The following KIAA1217 variants were observed in gnomAD, a reference collection of about 807,000 sequenced individuals.
KIAA1217 encodes sickle tail protein homolog.
A neutral mutation model predicts 163.9 loss-of-function variants in KIAA1217; 88 were observed. That is an observed-to-expected ratio of 0.54 (90% confidence interval 0.45 to 0.64). The LOEUF is 0.64. Among genes scored for constraint, KIAA1217 ranks in the 30% least tolerant of loss-of-function variants. The pLI, the probability that KIAA1217 is intolerant of heterozygous loss-of-function variation, is 0.00. For missense variants in KIAA1217, 2,372 were observed against 2,475.0 expected (o/e 0.96, Z 0.88); for synonymous variants, 903 against 923.1 (o/e 0.98, Z 0.39).
intron 5 of KIAA1217, among the ~76,000 whole-genome samples, chr10:24,465,471 A>G (rs1445824045): frequency 6.6e-6 from 1 of 152,206 alleles, no homozygotes; most frequent in Non-Finnish European, 1.5e-5. Flanking sequence ...AAGCCTTAAA[A>G]TGTTTTAAAA....
At chr10:24,256,688 T>TTG (rs146332353) in intron 2 of KIAA1217, among the ~76,000 whole-genome samples, 72 of 152,072 alleles carry the variant, frequency 4.7e-4, no homozygotes, top group Non-Finnish European at 8.1e-4. Flanking sequence ...AGGATTTGCT[T>TTG]TGTGTGTGTG....
rs867921845 is a variant in KIAA1217, at chr10:23,790,711, A to G, written c.-321+95477A>G. Among the ~76,000 whole-genome samples the G allele has an allele frequency of 2.4e-4, 33 of 140,376 alleles. 1 individual carries two copies. Among genetic ancestry groups the G allele is most frequent in the Admixed American group, 7.9e-4 (11 of 13,962 alleles). 92.1% of individuals were successfully genotyped at this position (140,376 alleles called of 152,430 possible). On this transcript the variant is annotated intron_variant, in intron 1 of 18. Coordinates refer to the KIAA1217 transcript ENST00000376462. Reference sequence around the variant, plus strand: ...TATGTATATATACACACACATATATATATGTATGTATGTATGTATGTATGT... The same window carrying G: ...TATGTATATATACACACACATATATGTATGTATGTATGTATGTATGTATGT...
At position 24,473,917 on chromosome 10, in the gene KIAA1217, A is replaced by G. The variant is rs779239151; in HGVS notation, c.1536A>G (p.Lys512=). The G allele has an allele frequency of 1.1e-5, 18 of 1,614,022 alleles. No individual in the cohort carries two copies. In the African/African-American group the frequency reaches 1.7e-4, roughly 16 times the overall value. The part of the protein sequence containing the change: ...DRASPSRQAF[K]KEPGTLVYIE... ...CCTCTCCGAGCCGCCAGGCCTTTAA[A>G]AAGGAGCCAGGCACCTTGGTGTATA... Residue 512 remains lysine (K), a synonymous_variant, in exon 6 of 21, where the codon AAA becomes AAG. Coordinates refer to ENST00000376454, the MANE Select transcript of KIAA1217 (RefSeq NM_019590.5).
At chr10:24,352,126 C>T (rs1028369208) in intron 2 of KIAA1217, among the ~76,000 whole-genome samples, 3 of 152,238 alleles carry the variant, frequency 2.0e-5, no homozygotes, top group South Asian at 2.1e-4. Flanking sequence ...CCTGCCTTTC[C>T]CCTCTGCCAC....
In KIAA1217 at chr10:24,400,958, A is replaced by AACAC. The variant is rs1409004077; in HGVS notation, c.553+19894_553+19895insCACA. On this transcript the variant is annotated intron_variant, in intron 3 of 20. Transcript: ENST00000376454. ...AAATAACACAAAATTCCAAGCAAGA[A>AACAC]ACATACACACACACACACACACACA... Among the ~76,000 whole-genome samples the AACAC allele has an allele frequency of 1.0e-4, 9 of 89,844 alleles. No individual in the cohort carries two copies. In the African/African-American group the frequency reaches 1.1e-3, roughly 11 times the overall value. 58.9% of individuals were successfully genotyped at this position (89,844 alleles called of 152,430 possible).
intron 2 of KIAA1217, among the ~76,000 whole-genome samples, chr10:24,370,654 C>T (rs2051502837): frequency 6.6e-6 from 1 of 152,124 alleles, no homozygotes; most frequent in African/African-American, 2.4e-5. Context: ...CACTGCATAG[C>T]TCACTGCAGC....
At chr10:24,181,512 G>C (rs1175630656) in intron 2 of KIAA1217, among the ~76,000 whole-genome samples, 1 of 152,174 alleles carries the variant, frequency 6.6e-6, no homozygotes, top group South Asian at 2.1e-4. Context: ...GGATTATGGG[G>C]GGCTTTGAGG....
At chr10:24,527,859 C>T in intron 13 of KIAA1217, 77 bp from the exon 14 acceptor site, 1 of 1,137,310 alleles carries the variant, frequency 8.8e-7, no homozygotes, top group Non-Finnish European at 1.3e-6. Flanking sequence ...CCACCCTCCA[C>T]CCTCTGAGAG....
At chr10:23,817,689 A>G (rs1837369868) in intron 1 of KIAA1217, among the ~76,000 whole-genome samples, 1 of 152,010 alleles carries the variant, frequency 6.6e-6, no homozygotes, top group Non-Finnish European at 1.5e-5. Context: ...TTTTTGAGAG[A>G]AGAAACATTT....
intron 2 of KIAA1217, among the ~76,000 whole-genome samples, chr10:24,031,117 G>A (rs1027195189): frequency 6.6e-6 from 1 of 152,142 alleles, no homozygotes; most frequent in Non-Finnish European, 1.5e-5. Flanking sequence ...ATTTTCCACA[G>A]CGACTATCCT....
intron 2 of KIAA1217, among the ~76,000 whole-genome samples, chr10:24,026,742 A>ATTTTTTTTTTTTTTTTT: frequency 4.3e-5 from 3 of 70,084 alleles, no homozygotes; most frequent in Non-Finnish European, 8.2e-5. Flanking sequence ...TATTTCATTG[A>ATTTTTTTTTTTTTTTTT]TTTTTTTTTT....
At chr10:23,998,958 T>C (rs1846621529) in intron 1 of KIAA1217, among the ~76,000 whole-genome samples, 1 of 106,016 alleles carries the variant, frequency 9.4e-6, no homozygotes, top group Admixed American at 9.6e-5. Flanking sequence ...GCACAACAGA[T>C]GGTATATTTG....
At chr10:24,481,925 A>G (rs974601462) in intron 6 of KIAA1217, 4 of 152,174 alleles carry the variant, frequency 2.6e-5, no homozygotes, top group Non-Finnish European at 5.9e-5. Context: ...TTTTACCATC[A>G]TGGTACCTAT....
At chr10:24,477,160 C>T (rs1043645391) in intron 6 of KIAA1217, among the ~76,000 whole-genome samples, 1 of 152,176 alleles carries the variant, frequency 6.6e-6, no homozygotes, top group Non-Finnish European at 1.5e-5. Context: ...TTTTAGATAT[C>T]TTGGTAACTA....
At chr10:23,778,578 T>C (rs746786501) in intron 1 of KIAA1217, among the ~76,000 whole-genome samples, 6 of 152,236 alleles carry the variant, frequency 3.9e-5, no homozygotes, top group Non-Finnish European at 7.3e-5. Flanking sequence ...GGACATCTTA[T>C]GTGCTTGGTT....
intron 2 of KIAA1217, among the ~76,000 whole-genome samples, chr10:24,315,349 C>T (rs1377745643): frequency 6.6e-6 from 1 of 152,186 alleles, no homozygotes; most frequent in African/African-American, 2.4e-5. Flanking sequence ...GAAAGGGAAA[C>T]CCTCTAAGTA....
At chr10:24,522,060 A>G (rs2071376475) in intron 12 of KIAA1217, 131 bp downstream of exon 12, 3 of 984,170 alleles carry the variant, frequency 3.0e-6, no homozygotes, top group South Asian at 3.8e-5. Context: ...AAAAGCCCCA[A>G]GTCCTTCTCA....
At chr10:24,062,596 C>T (rs2060772366) in intron 2 of KIAA1217, among the ~76,000 whole-genome samples, 1 of 151,510 alleles carries the variant, frequency 6.6e-6, no homozygotes, top group South Asian at 2.1e-4. Context: ...CCGTAATAAA[C>T]ATACGTGTGC....
At chr10:24,215,420 A>C (rs1314766812) in intron 1 of KIAA1217, among the ~76,000 whole-genome samples, 1 of 152,160 alleles carries the variant, frequency 6.6e-6, no homozygotes, top group Non-Finnish European at 1.5e-5. Flanking sequence ...CCCATATTTA[A>C]ATGTTAACAC....
Sources: allele counts gnomAD v4.1 joint callset (sites outside exome capture counted in the v4.1 genomes callset), GRCh38; gene constraint gnomAD v4.1.1; transcripts MANE v1.5; gene names NCBI Gene and HGNC (gene_info 2026-07-23, HGNC 2026-07-21).